Variants in POR observed in about 807,000 individuals in gnomAD.
POR encodes NADPH--cytochrome P450 reductase.
Under a neutral mutation model 84.0 loss-of-function variants are expected in POR, and 56 were observed. The observed-to-expected ratio is 0.67, with a 90% CI of 0.54 to 0.83. The LOEUF (loss-of-function observed/expected upper bound fraction) is 0.83. Among genes scored for constraint, POR ranks in the 40% least tolerant of loss-of-function variants. The pLI, the probability that POR is intolerant of heterozygous loss-of-function variation, is 0.00. For synonymous variants in POR, 414 were observed against 400.5 expected (o/e 1.03, Z -0.40); for missense variants, 938 against 944.3 (o/e 0.99, Z 0.09).
At chr7:75,959,189 G>A (rs559159968) in intron 2 of POR, among the ~76,000 whole-genome samples, 35 of 152,224 alleles carry the variant, frequency 2.3e-4, no homozygotes, top group South Asian at 2.3e-3. Flanking sequence ...CCTGGGCAAC[G>A]TAGCAAGGCC....
intron 1 of POR, among the ~76,000 whole-genome samples, chr7:75,919,869 AATTGTCCTTTC>A (rs1472402534): frequency 3.0e-4 from 46 of 152,056 alleles, no homozygotes; most frequent in African/African-American, 1.0e-3. Context: ...GATATCTAAG[AATTGTCCTTTC>A]ATTGGAGTGC....
intron 2 of POR, chr7:75,968,259 G>T: frequency 4.3e-6 from 2 of 467,896 alleles, no homozygotes. Flanking sequence ...AGATGCGGCT[G>T]CCTGGAGTTA....
chr7:75,957,867 A>G (rs2116445614), intron 2 of POR, among the ~76,000 whole-genome samples: 1 of 152,250 alleles, frequency 6.6e-6, no homozygotes, highest in African/African-American at 2.4e-5. Flanking sequence ...TACAAGACAA[A>G]TATTTCTAGT....
At chr7:75,961,613 G>A (rs782064969) in intron 2 of POR, among the ~76,000 whole-genome samples, 25 of 152,120 alleles carry the variant, frequency 1.6e-4, no homozygotes, top group Admixed American at 2.6e-4. Context: ...CTCACTCCTC[G>A]CCGGTCTTAT....
rs782478220 is a variant in POR, at chr7:75,984,943, C to T, written c.1233C>T (p.Ser411=). 2.5e-6 allele frequency: 4 copies of T among 1,596,970 alleles called. No individual in the cohort carries two copies. The highest frequency in any genetic ancestry group is 2.7e-5 in the African/African-American group (2 of 74,696). The change falls in exon 11 of 16, where the codon TCC becomes TCT. Residue 411 remains serine, a synonymous_variant. Coordinates refer to ENST00000461988, the MANE Select transcript of POR (RefSeq NM_000941.3). ...AGCTGCTGCGCAAGATGGCCTCCTCCTCCGGCGAGGGCAAGGTGCGCCCCC... is the reference window on the plus strand; with the variant it reads ...AGCTGCTGCGCAAGATGGCCTCCTCTTCCGGCGAGGGCAAGGTGCGCCCCC...
rs1789486521 is a variant in POR at position 75,986,534 on chromosome 7, T to TG, written c.*55dup. On this transcript the variant is annotated 3_prime_UTR_variant, in exon 16 of 16. Coordinates refer to ENST00000461988, the MANE Select transcript of POR (RefSeq NM_000941.3). ...GACTCCGGCCTGTAATCAGCTCTCC[T>TG]GGCTCCCTCCCGTAGTCTCCTGGGT... 6.3e-7 allele frequency: 1 copy of TG among 1,578,970 alleles called. No homozygotes were observed. Among genetic ancestry groups the TG allele is most frequent in the African/African-American group, 1.3e-5 (1 of 74,430 alleles).
At chr7:75,954,270 G>T (rs533839414) in intron 2 of POR, 90 bp downstream of exon 2, 1 of 1,347,392 alleles carries the variant, frequency 7.4e-7, no homozygotes, top group African/African-American at 1.5e-5. Flanking sequence ...GCTGAAAGAA[G>T]CAAGGCTCCT....
At chr7:75,966,780 C>A (rs1467792647) in intron 2 of POR, among the ~76,000 whole-genome samples, 2 of 152,172 alleles carry the variant, frequency 1.3e-5, no homozygotes, top group African/African-American at 4.8e-5. Flanking sequence ...TCCCGCCCTC[C>A]CTCATCTTCC....
chr7:75,916,874 TG>T (rs1285841384), intron 1 of POR, among the ~76,000 whole-genome samples: 2 of 152,134 alleles, frequency 1.3e-5, no homozygotes, highest in Non-Finnish European at 2.9e-5. Context: ...CAGACATACC[TG>T]AATTTTAGGA....
At position 75,954,078 on chromosome 7, in the gene POR, C is replaced by T. The variant is rs781915397; in HGVS notation, c.86C>T (p.Thr29Met). The change falls in exon 2 of 16, where the codon ACG becomes ATG. Residue 29 changes from threonine (T) to methionine (M), a missense_variant. By Grantham distance (81) the Thr-to-Met change is moderately conservative. Transcript: ENST00000461988. ...GAAGAAGTATCTCTTTTCAGCATGA[C>T]GGACATGATTCTGTTTTCGCTCATC... 39 of 1,612,766 alleles carry T rather than the reference C, an allele frequency of 2.4e-5. No homozygotes were observed. Among genetic ancestry groups the T allele is most frequent in the South Asian group, 1.2e-4 (11 of 90,790 alleles).
intron 2 of POR, among the ~76,000 whole-genome samples, chr7:75,961,733 G>A (rs544416813): frequency 3.3e-5 from 5 of 152,158 alleles, no homozygotes; most frequent in East Asian, 1.9e-4. Context: ...TCAAGGACTC[G>A]CCAGGCATGG....
intron 2 of POR, among the ~76,000 whole-genome samples, chr7:75,958,137 G>A (rs1787766292): frequency 6.6e-6 from 1 of 152,062 alleles, no homozygotes; most frequent in African/African-American, 2.4e-5. Context: ...TTTATTTTGA[G>A]GCAGGGTCTC....
At chr7:75,935,539 C>G (rs555256039) in intron 1 of POR, among the ~76,000 whole-genome samples, 114 of 151,792 alleles carry the variant, frequency 7.5e-4, no homozygotes, top group Middle Eastern at 3.4e-3. Flanking sequence ...AGCCACTGCG[C>G]CTGGCTGGAG....
At chr7:75,938,057 G>T (rs1277302990) in intron 1 of POR, among the ~76,000 whole-genome samples, 15 of 152,304 alleles carry the variant, frequency 9.8e-5, no homozygotes, top group African/African-American at 3.6e-4. Flanking sequence ...AGTTCGATTT[G>T]TGCTGAGTCA....
intron 1 of POR, among the ~76,000 whole-genome samples, chr7:75,927,763 C>T (rs187104447): frequency 0.012 from 1,884 of 151,030 alleles, 16 homozygotes; most frequent in Non-Finnish European, 0.02. Flanking sequence ...CTCTGCCTCC[C>T]GGGTTCCAGT....
rs781951116 is a variant in POR at position 75,984,760 on chromosome 7, C to T, written c.1067-17C>T. On this transcript the variant is annotated splice_polypyrimidine_tract_variant and intron_variant, in intron 10 of 15. Transcript: ENST00000461988. Reference sequence around the variant, plus strand: ...GGCGGCCGCCTACCCCAAGTCCTGCCTGTCTCTTCCCTGCAGAGGAGTCCA... The same window carrying T: ...GGCGGCCGCCTACCCCAAGTCCTGCTTGTCTCTTCCCTGCAGAGGAGTCCA... 6.2e-7 allele frequency: 1 copy of T among 1,611,578 alleles called. No individual in the cohort carries two copies. The highest frequency in any genetic ancestry group is 8.5e-7 in the Non-Finnish European group (1 of 1,179,018).
chr7:75,917,385 T>TC lies in POR; in HGVS notation c.-5+2206_-5+2207insC, dbSNP rs199716674. Among the ~76,000 whole-genome samples the TC allele has an allele frequency of 8.7e-3, 1,268 of 146,496 alleles. 3 individuals are homozygous for TC. Among genetic ancestry groups the TC allele is most frequent in the Middle Eastern group, 0.018 (5 of 282 alleles). ...TCCTGGCTTTCTTATTTCTTCTTCT[T>TC]TTTTTTTTTTTTTTTTCTGATGGAA... is the stretch of plus-strand genomic sequence containing the variant. On this transcript the variant is annotated intron_variant, in intron 1 of 15. Transcript: ENST00000461988.
At position 75,983,867 on chromosome 7, in the gene POR, C is replaced by G. The variant is rs782029570; in HGVS notation, c.1066+11C>G. The G allele has an allele frequency of 1.3e-6, 2 of 1,588,118 alleles. No homozygotes were observed. The highest frequency in any genetic ancestry group is 3.5e-5 in the Admixed American group (2 of 57,216). ...TGAACAACCTGGATGGTGAGTGCCA[C>G]AGTCAGGGCGCCCTGCCGGGCTCAG... is the stretch of plus-strand genomic sequence containing the variant. On this transcript the variant is annotated intron_variant, in intron 10 of 15. Transcript: ENST00000461988.
At chr7:75,931,179 T>C (rs532321190) in intron 1 of POR, among the ~76,000 whole-genome samples, 28 of 152,144 alleles carry the variant, frequency 1.8e-4, no homozygotes, top group Middle Eastern at 3.4e-3. Flanking sequence ...CCATCACCCA[T>C]TGAATGGATA....
Sources: gnomAD v4.1 joint callset for allele counts (sites outside exome capture counted in the v4.1 genomes callset) on GRCh38, gnomAD v4.1.1 for gene constraint, MANE v1.5 for transcripts, NCBI Gene and HGNC (gene_info 2026-07-23, HGNC 2026-07-21) for gene names.